Variants in RSU1 observed in about 807,000 individuals in gnomAD.
The protein encoded by RSU1 is rsu-1.
RSU1 carries 26 observed loss-of-function variants against 31.1 expected under a neutral mutation model. That is an observed-to-expected ratio of 0.84 (90% CI 0.61 to 1.16). RSU1 has a LOEUF of 1.16. Among genes scored for constraint, RSU1 ranks in the 50% most tolerant of loss-of-function variants. RSU1 has a pLI of 0.00. For missense variants in RSU1, 320 were observed against 339.1 expected (o/e 0.94, Z 0.44); for synonymous variants, 164 against 136.3 (o/e 1.20, Z -1.41).
intron 8 of RSU1, among the ~76,000 whole-genome samples, chr10:16,680,692 TCAC>T (rs1170512143): frequency 1.3e-5 from 2 of 152,130 alleles, no homozygotes; most frequent in Non-Finnish European, 2.9e-5. Context: ...AGCTCACTCA[TCAC>T]CAAGAGGACG....
chr10:16,625,785 G>A (rs538581374), intron 8 of RSU1, among the ~76,000 whole-genome samples: 1 of 152,344 alleles, frequency 6.6e-6, no homozygotes, highest in South Asian at 2.1e-4. Context: ...GGCCCATTCT[G>A]GTCTAAGGAG....
intron 8 of RSU1, among the ~76,000 whole-genome samples, chr10:16,693,856 G>A (rs760501545): frequency 2.6e-5 from 4 of 151,992 alleles, no homozygotes; most frequent in South Asian, 2.1e-4. Context: ...GTGAGACCCT[G>A]TCTCTTAAAA....
chr10:16,600,585 G>GAGAC (rs1416583513), intron 8 of RSU1, among the ~76,000 whole-genome samples: 2 of 144,552 alleles, frequency 1.4e-5, no homozygotes, highest in African/African-American at 5.3e-5. Context: ...GGTGGTTTTT[G>GAGAC]AGACAGGGTC....
chr10:16,747,020 G>C (rs1464196086), intron 7 of RSU1, among the ~76,000 whole-genome samples: 1 of 152,072 alleles, frequency 6.6e-6, no homozygotes, highest in Non-Finnish European at 1.5e-5. Context: ...ACCCCCATCT[G>C]TCTCATAAGA....
At chr10:16,696,762 A>T (rs1835683885) in intron 7 of RSU1, among the ~76,000 whole-genome samples, 1 of 152,034 alleles carries the variant, frequency 6.6e-6, no homozygotes, top group Non-Finnish European at 1.5e-5. Flanking sequence ...GCGAATGAAA[A>T]CCCAGGGGTG....
chr10:16,727,007 A>G (rs1261639871), intron 7 of RSU1: 8 of 455,170 alleles, frequency 1.8e-5, no homozygotes, highest in African/African-American at 1.2e-4. Context: ...TCTGAACTCC[A>G]GAACATTTGC....
At chr10:16,807,215 G>C (rs1278657125) in intron 2 of RSU1, among the ~76,000 whole-genome samples, 2 of 152,216 alleles carry the variant, frequency 1.3e-5, no homozygotes, top group Non-Finnish European at 2.9e-5. Context: ...CTCCTTGCAA[G>C]TAATTGCTTG....
At chr10:16,675,360 T>C (rs1245938008) in intron 8 of RSU1, among the ~76,000 whole-genome samples, 2 of 152,244 alleles carry the variant, frequency 1.3e-5, no homozygotes, top group Non-Finnish European at 1.5e-5. Context: ...AATGGTATTC[T>C]ACCTAGACAT....
At chr10:16,674,449 G>A (rs1489320268) in intron 8 of RSU1, among the ~76,000 whole-genome samples, 1 of 150,672 alleles carries the variant, frequency 6.6e-6, no homozygotes, top group Non-Finnish European at 1.5e-5. Flanking sequence ...TACACTGCAG[G>A]TGACAAAGTA....
At chr10:16,615,886 G>A (rs940785412) in intron 8 of RSU1, among the ~76,000 whole-genome samples, 2 of 152,190 alleles carry the variant, frequency 1.3e-5, no homozygotes, top group Non-Finnish European at 2.9e-5. Context: ...TGTTTAGAGG[G>A]AAATTTATAG....
chr10:16,783,658 GT>G (rs57576455), intron 2 of RSU1, among the ~76,000 whole-genome samples: 68,362 of 148,220 alleles, frequency 0.46, 18,755 homozygotes, highest in African/African-American at 0.78. Context: ...CCGGCCGCAT[GT>G]TTTTTTTTTT....
chr10:16,730,463 C>A (rs116810535), intron 7 of RSU1, among the ~76,000 whole-genome samples: 1,559 of 152,258 alleles, frequency 0.01, 31 homozygotes, highest in African/African-American at 0.035. Flanking sequence ...TCTTGGACAA[C>A]GGTCTGCCAA....
At chr10:16,663,680 A>C (rs1277081081) in intron 8 of RSU1, among the ~76,000 whole-genome samples, 3 of 151,940 alleles carry the variant, frequency 2.0e-5, no homozygotes, top group African/African-American at 2.4e-5. Flanking sequence ...TCACCCTTGC[A>C]CTCTCTTAGT....
At chr10:16,640,412 G>A (rs564619804) in intron 8 of RSU1, among the ~76,000 whole-genome samples, 2 of 152,172 alleles carry the variant, frequency 1.3e-5, no homozygotes, top group South Asian at 2.1e-4. Flanking sequence ...CCTAGCAACC[G>A]GCCTCTCCAC....
intron 3 of RSU1, among the ~76,000 whole-genome samples, chr10:16,769,168 CT>C (rs1837375014): frequency 6.6e-6 from 1 of 152,204 alleles, no homozygotes; most frequent in Non-Finnish European, 1.5e-5. Context: ...AGTTTCAATT[CT>C]GTTGAATAGA....
At position 16,593,302 on chromosome 10, in the gene RSU1, G is replaced by T. The variant is rs976118040; in HGVS notation, c.*92C>A. 5.1e-6 allele frequency: 8 copies of T among 1,570,766 alleles called. No individual in the cohort carries two copies. In the African/African-American group the frequency reaches 6.8e-5, roughly 13 times the overall value. ...AAGAAAAATAAAAAAGGCCTCACACGCAGCATTGGGTTTATTTGAGAGACA... is the reference window on the plus strand; with the variant it reads ...AAGAAAAATAAAAAAGGCCTCACACTCAGCATTGGGTTTATTTGAGAGACA... On this transcript the variant is annotated 3_prime_UTR_variant, in exon 9 of 9. Transcript: ENST00000345264.
chr10:16,759,667 T>G (rs1200917830), intron 4 of RSU1, among the ~76,000 whole-genome samples: 1 of 152,176 alleles, frequency 6.6e-6, no homozygotes, highest in Non-Finnish European at 1.5e-5. Context: ...ACCCTAGAAA[T>G]AATCATCAAC....
At chr10:16,615,068 G>A (rs919242315) in intron 8 of RSU1, among the ~76,000 whole-genome samples, 7 of 152,120 alleles carry the variant, frequency 4.6e-5, no homozygotes, top group African/African-American at 1.7e-4. Context: ...AAATGCCCCA[G>A]TTAAAAGACA....
At chr10:16,662,313 TG>T (rs1208268643) in intron 8 of RSU1, among the ~76,000 whole-genome samples, 1 of 152,226 alleles carries the variant, frequency 6.6e-6, no homozygotes, top group East Asian at 1.9e-4. Context: ...TGAGAAATAC[TG>T]GTAAATTTTT....
Sources: allele counts gnomAD v4.1 joint callset (sites outside exome capture counted in the v4.1 genomes callset), GRCh38; gene constraint gnomAD v4.1.1; transcripts MANE v1.5; gene names NCBI Gene and HGNC (gene_info 2026-07-23, HGNC 2026-07-21).